The following TYRO3 variants were observed in gnomAD, a reference collection of about 807,000 sequenced individuals.
TYRO3 encodes the protein TYRO3 protein tyrosine kinase.
In TYRO3, 38 loss-of-function variants were observed where a neutral mutation model predicts 95.2. That is an observed-to-expected ratio of 0.40 (90% CI 0.31 to 0.52). The LOEUF is 0.52. Among genes scored for constraint, TYRO3 ranks in the 20% least tolerant of loss-of-function variants. TYRO3 has a pLI of 0.56. For missense variants in TYRO3, 812 were observed against 1,116.4 expected (o/e 0.73, Z 3.89); for synonymous variants, 367 against 432.9 (o/e 0.85, Z 1.89).
chr15:41,567,055 C>CA (rs2140824746), intron 6 of TYRO3, among the ~76,000 whole-genome samples: 1 of 152,012 alleles, frequency 6.6e-6, no homozygotes, highest in African/African-American at 2.4e-5. Context: ...TACAAAAGGA[C>CA]AAGAGTTTTC....
chr15:41,578,983 C>T lies in TYRO3; in HGVS notation c.*707C>T, dbSNP rs1422325526. 6.5e-6 allele frequency: 1 copy of T among 153,414 alleles called. No homozygotes were observed. Among genetic ancestry groups the T allele is most frequent in the Non-Finnish European group, 1.4e-5 (1 of 69,060 alleles). 9.5% of individuals were successfully genotyped at this position (153,414 alleles called of 1,614,324 possible). ...AGCAAGAGGAAGGGGTGCTGTGAGGCTTGCCCAGGAGCAAGTGAGGCCGGA... is the reference window on the plus strand; with the variant it reads ...AGCAAGAGGAAGGGGTGCTGTGAGGTTTGCCCAGGAGCAAGTGAGGCCGGA... On this transcript the variant is annotated 3_prime_UTR_variant, in exon 19 of 19. Transcript: ENST00000263798.
rs1401941223 is a variant in TYRO3, at chr15:41,579,065, A to G, written c.*789A>G. ...AATCTGAGCACGCTACCAAATCTCA[A>G]AATATCCTAAGACTAACAAAGGCAG... On this transcript the variant is annotated 3_prime_UTR_variant, in exon 19 of 19. Transcript: ENST00000263798. The G allele has an allele frequency of 1.3e-5, 2 of 152,508 alleles. No homozygotes were observed. The highest frequency in any genetic ancestry group is 4.8e-5 in the African/African-American group (2 of 41,452). 9.4% of individuals were successfully genotyped at this position (152,508 alleles called of 1,614,324 possible).
rs199635301 is a variant in TYRO3 at position 41,577,970 on chromosome 15, C to G, written c.2367C>G (p.Ile789Met). 6.2e-7 allele frequency: 1 copy of G among 1,613,906 alleles called. No homozygotes were observed. The highest frequency in any genetic ancestry group is 1.7e-5 in the Admixed American group (1 of 60,024). Residue 789 changes from isoleucine (I) to methionine (M), a missense_variant, in exon 19 of 19, where the codon ATC becomes ATG. Physicochemically the swap from Ile to Met is conservative, Grantham distance 10. Coordinates refer to ENST00000263798, the MANE Select transcript of TYRO3 (RefSeq NM_006293.4). ...GTCTGCGAATGGAACTGGAGAACATCTTGGGCCAGCTGTCTGTGCTATCTG... is the reference window on the plus strand; with the variant it reads ...GTCTGCGAATGGAACTGGAGAACATGTTGGGCCAGCTGTCTGTGCTATCTG... ...FTCLRMELEN[I>M]LGQLSVLSAS... is the part of the protein sequence containing the mutation.
chr15:41,576,029 G>A (rs8033332), intron 18 of TYRO3, among the ~76,000 whole-genome samples: 63,492 of 145,842 alleles, frequency 0.44, 14,195 homozygotes, highest in East Asian at 0.8. Context: ...ACTTGAACCC[G>A]GGAGGCAGAG....
chr15:41,572,560 C>T lies in TYRO3; in HGVS notation c.1871C>T (p.Pro624Leu), dbSNP rs544789572. Residue 624 changes from proline to leucine, a missense_variant, in exon 15 of 19, where the codon CCC becomes CTC. Transcript: ENST00000263798. ...FLLASRIGEN[P>L]FNLPLQTLIR... Reference sequence around the variant, plus strand: ...CTCGCCTCCCGGATTGGGGAGAACCCCTTTGTGAGTACCTGGTGTGGGGGT... The same window carrying T: ...CTCGCCTCCCGGATTGGGGAGAACCTCTTTGTGAGTACCTGGTGTGGGGGT... 8.7e-6 allele frequency: 14 copies of T among 1,614,170 alleles called. No individual in the cohort carries two copies. The South Asian group carries it at 1.4e-4, about 16-fold the overall frequency.
At chr15:41,560,739 A>T (rs1167969185) in intron 1 of TYRO3, among the ~76,000 whole-genome samples, 1 of 152,182 alleles carries the variant, frequency 6.6e-6, no homozygotes, top group African/African-American at 2.4e-5. Context: ...GCAGCAATTC[A>T]GGGTCTGGGC....
chr15:41,575,930 C>T (rs1275774478), intron 18 of TYRO3, among the ~76,000 whole-genome samples: 1 of 151,858 alleles, frequency 6.6e-6, no homozygotes, highest in African/African-American at 2.4e-5. Flanking sequence ...CATAGAGAAA[C>T]CCCGCCTCTA....
chr15:41,567,297 C>G, intron 6 of TYRO3, 63 bp from the exon 7 acceptor site: 1 of 1,370,700 alleles, frequency 7.3e-7, no homozygotes, highest in South Asian at 1.8e-5. Flanking sequence ...ATAACTATAC[C>G]CATCCCATCT....
intron 1 of TYRO3, 123 bp from the exon 2 acceptor site, chr15:41,561,004 T>C: frequency 8.1e-7 from 1 of 1,236,412 alleles, no homozygotes; most frequent in Non-Finnish European, 1.2e-6. Context: ...CTCTGCTTCC[T>C]TGACTTTGGC....
intron 1 of TYRO3, among the ~76,000 whole-genome samples, chr15:41,560,388 C>CGTGTGTGTGTGTGT (rs1177291795): frequency 8.3e-5 from 6 of 72,052 alleles, no homozygotes; most frequent in Admixed American, 1.5e-4. Flanking sequence ...AGGAGAGGTG[C>CGTGTGTGTGTGTGT]GTGTATGTGT....
intron 1 of TYRO3, among the ~76,000 whole-genome samples, chr15:41,559,944 G>T (rs984887458): frequency 1.3e-5 from 2 of 152,252 alleles, no homozygotes; most frequent in Non-Finnish European, 2.9e-5. Flanking sequence ...TTTGGGAGGG[G>T]TTAGTCTTGT....
intron 3 of TYRO3, chr15:41,561,927 G>C (rs2055663067): frequency 6.7e-6 from 2 of 298,342 alleles, no homozygotes; most frequent in Non-Finnish European, 1.3e-5. Flanking sequence ...ACCCTGTTCT[G>C]CCAAGTGGCC....
At chr15:41,568,402 A>G (rs1454529531) in intron 8 of TYRO3, 40 bp downstream of exon 8, 11 of 1,578,462 alleles carry the variant, frequency 7.0e-6, no homozygotes, top group Middle Eastern at 1.7e-4. Flanking sequence ...CTCCTGGAGT[A>G]TAAGCCTTCA....
Position 41,561,319 on chromosome 15 carries a change from CTGTGGGGGAAGG to C in TYRO3, c.308+16_308+27del, listed in dbSNP as rs766321415. On this transcript the variant is annotated intron_variant, in intron 2 of 18. Transcript: ENST00000263798. The stretch of plus-strand genomic sequence containing the variant: ...TGGATCGGCTTCCTCAGGTGCAGGC[CTGTGGGGGAAGG>C]TGTGGGCTGCCAGCCAGGGGGCAGG... 6.2e-7 allele frequency: 1 copy of C among 1,605,990 alleles called. No homozygotes were observed. Among genetic ancestry groups the C allele is most frequent in the Admixed American group, 1.7e-5 (1 of 59,562 alleles).
At position 41,581,309 on chromosome 15, in the gene TYRO3, T is replaced by C. The variant is rs1292674889; in HGVS notation, c.*3033T>C. On this transcript the variant is annotated 3_prime_UTR_variant, in exon 19 of 19. Transcript: ENST00000263798. ...GGGAGACTGGGAGGGCCCACAGGTATTGTGCTGCTTCTGGCTGAGGGCAGG... is the reference window on the plus strand; with the variant it reads ...GGGAGACTGGGAGGGCCCACAGGTACTGTGCTGCTTCTGGCTGAGGGCAGG... 2 of 153,448 alleles carry C rather than the reference T, an allele frequency of 1.3e-5. No homozygotes were observed. The highest frequency in any genetic ancestry group is 6.6e-5 in the Admixed American group (1 of 15,256). 9.5% of individuals were successfully genotyped at this position (153,448 alleles called of 1,614,324 possible).
intron 13 of TYRO3, 177 bp from the exon 14 acceptor site, chr15:41,571,418 A>G: frequency 1.6e-6 from 1 of 618,202 alleles, no homozygotes; most frequent in Non-Finnish European, 2.9e-6. Flanking sequence ...AGGCATTAGC[A>G]AGTGGAGAAG....
chr15:41,561,825 G>C (rs2055661904), intron 3 of TYRO3, 186 bp downstream of exon 3: 2 of 484,774 alleles, frequency 4.1e-6, no homozygotes, highest in Non-Finnish European at 7.4e-6. Flanking sequence ...GGGTATCTGA[G>C]AACCAAGGGA....
chr15:41,568,404 A>G, intron 8 of TYRO3, 42 bp downstream of exon 8: 1 of 1,576,950 alleles, frequency 6.3e-7, no homozygotes, highest in Non-Finnish European at 8.6e-7. Flanking sequence ...CCTGGAGTAT[A>G]AGCCTTCAGG....
chr15:41,571,221 A>C, intron 13 of TYRO3, 103 bp downstream of exon 13: 1 of 1,109,332 alleles, frequency 9.0e-7, no homozygotes, highest in Non-Finnish European at 1.4e-6. Context: ...TTCCAAGAAG[A>C]GCTGGGCAGC....
Sources: allele counts gnomAD v4.1 joint callset (sites outside exome capture counted in the v4.1 genomes callset), GRCh38; gene constraint gnomAD v4.1.1; transcripts MANE v1.5; gene names NCBI Gene and HGNC (gene_info 2026-07-23, HGNC 2026-07-21).